Variants in CHLSN observed in about 807,000 individuals in gnomAD.
CHLSN encodes the protein cholesin.
chr7:1,057,896 C>T, the CHLSN span: 2 of 776,578 alleles, frequency 2.6e-6, no homozygotes, highest in South Asian at 1.3e-5. Flanking sequence ...GCCTCGACCA[C>T]TACATCGAGC....
At chr7:1,090,633 G>A in the CHLSN span, among the ~76,000 whole-genome samples, 308 of 152,276 alleles carry the variant, frequency 2.0e-3, 1 homozygote, top group African/African-American at 7.0e-3. Flanking sequence ...TGGGTGACGG[G>A]ACCCTCCCCA....
At chr7:981,702 G>T in the CHLSN span, among the ~76,000 whole-genome samples, 7 of 151,984 alleles carry the variant, frequency 4.6e-5, no homozygotes, top group African/African-American at 1.5e-4. Flanking sequence ...AACAGAGTGA[G>T]ATTCCGTCTC....
At chr7:1,100,688 T>C in the CHLSN span, among the ~76,000 whole-genome samples, 1 of 151,890 alleles carries the variant, frequency 6.6e-6, no homozygotes, top group African/African-American at 2.4e-5. Flanking sequence ...GGAGGGGCCG[T>C]CTGTGAAATG....
the CHLSN span, among the ~76,000 whole-genome samples, chr7:1,014,007 G>A: frequency 6.6e-6 from 1 of 152,202 alleles, no homozygotes; most frequent in Admixed American, 6.5e-5. Context: ...GACTGGGATG[G>A]GGAGGCGGCC....
At chr7:1,135,772 AAT>A in the CHLSN span, among the ~76,000 whole-genome samples, 10,858 of 97,236 alleles carry the variant, frequency 0.11, 579 homozygotes, top group Non-Finnish European at 0.14. Context: ...CTCAAAAAGA[AAT>A]ATATATATAT....
chr7:1,103,491 C>G, the CHLSN span, among the ~76,000 whole-genome samples: 6 of 152,144 alleles, frequency 3.9e-5, no homozygotes, highest in Non-Finnish European at 5.9e-5. Flanking sequence ...TGTCACCACA[C>G]GAATTAGCCC....
At chr7:1,024,088 A>G in the CHLSN span, among the ~76,000 whole-genome samples, 1 of 152,124 alleles carries the variant, frequency 6.6e-6, no homozygotes, top group African/African-American at 2.4e-5. Flanking sequence ...CGGCCTCCCA[A>G]AGTGCTGGGA....
chr7:1,048,315 A>G, the CHLSN span, among the ~76,000 whole-genome samples: 12 of 152,206 alleles, frequency 7.9e-5, no homozygotes, highest in African/African-American at 2.7e-4. Context: ...TAACAGGGAC[A>G]GCAACATCAA....
At chr7:1,138,108 C>T in the CHLSN span, 2 of 150,608 alleles carry the variant, frequency 1.3e-5, no homozygotes, top group East Asian at 3.9e-4. Context: ...GGGGCGGAGC[C>T]CCGCGGGAGC....
chr7:1,079,300 G>A, the CHLSN span, among the ~76,000 whole-genome samples: 25 of 152,362 alleles, frequency 1.6e-4, no homozygotes, highest in Admixed American at 9.1e-4. Flanking sequence ...GGCAACGCCC[G>A]GCTGCTCGTC....
At chr7:1,076,921 C>A in the CHLSN span, among the ~76,000 whole-genome samples, 2 of 152,264 alleles carry the variant, frequency 1.3e-5, no homozygotes, top group Non-Finnish European at 2.9e-5. Flanking sequence ...CAGCGAGGGG[C>A]TGGCCCCTGC....
the CHLSN span, among the ~76,000 whole-genome samples, chr7:1,131,135 G>A: frequency 6.8e-6 from 1 of 147,558 alleles, no homozygotes; most frequent in East Asian, 2.0e-4. Context: ...AGGCTGCAGT[G>A]AGCCATGACT....
the CHLSN span, among the ~76,000 whole-genome samples, chr7:1,100,430 A>G: frequency 6.6e-6 from 1 of 152,270 alleles, no homozygotes; most frequent in Non-Finnish European, 1.5e-5. Flanking sequence ...CAGGCTGCAC[A>G]GACCCGGGAC....
the CHLSN span, among the ~76,000 whole-genome samples, chr7:1,118,541 C>T: frequency 2.0e-5 from 3 of 152,168 alleles, no homozygotes; most frequent in Non-Finnish European, 2.9e-5. Flanking sequence ...AACCATAAAA[C>T]TTTCCTGAAT....
the CHLSN span, among the ~76,000 whole-genome samples, chr7:1,136,045 TAA>T: frequency 0.023 from 2,697 of 117,234 alleles, 63 homozygotes; most frequent in Non-Finnish European, 0.036. Context: ...TATAAATATA[TAA>T]GTATATATAA....
chr7:978,378 T>G, the CHLSN span, among the ~76,000 whole-genome samples: 1 of 151,952 alleles, frequency 6.6e-6, no homozygotes, highest in African/African-American at 2.4e-5. Flanking sequence ...ATTAGCCAGG[T>G]GTAGGGGCGC....
chr7:1,053,298 G>A, the CHLSN span, among the ~76,000 whole-genome samples: 1 of 152,276 alleles, frequency 6.6e-6, no homozygotes, highest in East Asian at 1.9e-4. Flanking sequence ...TCGGACGCAG[G>A]TGTGGCGACG....
chr7:1,033,771 TGAGGA>T, the CHLSN span, among the ~76,000 whole-genome samples: 9 of 149,476 alleles, frequency 6.0e-5, no homozygotes, highest in East Asian at 1.4e-3. Flanking sequence ...CTGAGTGAGG[TGAGGA>T]GACACCCAGG....
chr7:1,050,368 C>T, the CHLSN span, among the ~76,000 whole-genome samples: 68 of 152,386 alleles, frequency 4.5e-4, no homozygotes, highest in African/African-American at 1.6e-3. Context: ...CCACCTGCGG[C>T]GGGCACATCC....
Sources: allele counts gnomAD v4.1 joint callset (sites outside exome capture counted in the v4.1 genomes callset), GRCh38; gene constraint gnomAD v4.1.1; transcripts MANE v1.5; gene names NCBI Gene and HGNC (gene_info 2026-07-23, HGNC 2026-07-21).